DENND4B: variants seen among roughly 807,000 people sequenced by gnomAD.
DENND4B encodes the protein DENN domain containing 4B.
Under a neutral mutation model 161.0 loss-of-function variants are expected in DENND4B, and 67 were observed. The observed-to-expected ratio is 0.42, with a 90% CI of 0.34 to 0.51. DENND4B has a LOEUF of 0.51. Ranked by LOEUF, DENND4B falls within the 20% of genes least tolerant of loss-of-function variation. DENND4B has a pLI of 0.08. For synonymous variants in DENND4B, 753 were observed against 813.8 expected (o/e 0.93, Z 1.27); for missense variants, 1,481 against 1,968.0 (o/e 0.75, Z 4.68).
At position 153,936,753 on chromosome 1, in the gene DENND4B, G is replaced by A; in HGVS notation, c.2233-5C>T. 1 of 1,576,144 alleles carries A rather than the reference G, an allele frequency of 6.3e-7. No individual in the cohort carries two copies. Among genetic ancestry groups the A allele is most frequent in the Non-Finnish European group, 8.6e-7 (1 of 1,157,504 alleles). On this transcript the variant is annotated splice_region_variant and splice_polypyrimidine_tract_variant and intron_variant, in intron 15 of 27. Coordinates refer to ENST00000361217, the MANE Select transcript of DENND4B (RefSeq NM_014856.3). This position sits in a 1 kb window ranked among gnomAD's most constrained non-coding sequence, Gnocchi z 4.1. Reference sequence around the variant, plus strand: ...CCGCTGTGCAACTTTCATCTCCTAGGTAGGACAGGGGACACATCAGGGTGA... The same window carrying A: ...CCGCTGTGCAACTTTCATCTCCTAGATAGGACAGGGGACACATCAGGGTGA...
rs762796744 is a variant in DENND4B at position 153,934,728 on chromosome 1, T to G, written c.2773+32A>C. ...TCCCTGCCTGAGCCCAGCTACTCCA[T>G]CCCCAAGCCTGTCTCACCAGGCCCT... On this transcript the variant is annotated intron_variant, in intron 18 of 27. Transcript: ENST00000361217. This position sits in a 1 kb window ranked among gnomAD's most constrained non-coding sequence, Gnocchi z 5.3. The G allele has an allele frequency of 1.2e-5, 19 of 1,591,730 alleles. No individual in the cohort carries two copies. The African/African-American group carries it at 2.5e-4, about 21-fold the overall frequency.
In DENND4B at chr1:153,934,815, C is replaced by CTGCTGT; in HGVS notation, c.2717_2718insACAGCA (p.Gln909_Gln910dup). ...CTGACACCTGCTCCTGCTGCTGCTG[C>CTGCTGT]TGCTGCTGCTGCTGTTGCTGCTGCT... On this transcript the variant is annotated inframe_insertion, in exon 18 of 28. Coordinates refer to ENST00000361217, the MANE Select transcript of DENND4B (RefSeq NM_014856.3). This position sits in a 1 kb window ranked among gnomAD's most constrained non-coding sequence, Gnocchi z 5.3. 1 of 1,559,390 alleles carries CTGCTGT rather than the reference C, an allele frequency of 6.4e-7. No homozygotes were observed. The highest frequency in any genetic ancestry group is 8.7e-7 in the Non-Finnish European group (1 of 1,143,788).
rs770615615 is a variant in DENND4B, at chr1:153,939,569, CAG to C, written c.1819+18_1819+19del. 2 of 1,583,324 alleles carry C rather than the reference CAG, an allele frequency of 1.3e-6. No homozygotes were observed. Among genetic ancestry groups the C allele is most frequent in the Non-Finnish European group, 8.6e-7 (1 of 1,159,382 alleles). ...CCTCCTCCCATGATACATCTCCAAG[CAG>C]AGACAGGCCCTCTATACCCTGCAGG... is the stretch of plus-strand genomic sequence containing the variant. On this transcript the variant is annotated intron_variant, in intron 12 of 27. Transcript: ENST00000361217.
chr1:153,934,249 A>C lies in DENND4B; in HGVS notation c.2827T>G (p.Trp943Gly). The change falls in exon 19 of 28, where the codon TGG becomes GGG. Residue 943 changes from tryptophan to glycine, a missense_variant. Transcript: ENST00000361217. This position sits in a 1 kb window ranked among gnomAD's most constrained non-coding sequence, Gnocchi z 5.3. ...GGGTCTCTCAGACTTCGCCCAGCCCAAGTAGTCTGGCGCTGAAGAGGGCGA... is the reference window on the plus strand; with the variant it reads ...GGGTCTCTCAGACTTCGCCCAGCCCCAGTAGTCTGGCGCTGAAGAGGGCGA... ...PTRPLQRQTT[W>G]AGRSLRDPAS... The C allele has an allele frequency of 1.9e-6, 3 of 1,599,670 alleles. No homozygotes were observed. Among genetic ancestry groups the C allele is most frequent in the Non-Finnish European group, 2.6e-6 (3 of 1,174,002 alleles).
At chr1:153,943,945 C>T in intron 2 of DENND4B, 113 bp downstream of exon 2, 1 of 1,232,840 alleles carries the variant, frequency 8.1e-7, no homozygotes, top group Non-Finnish European at 1.1e-6. Flanking sequence ...GGCCCCTGGC[C>T]CACCAGGCTC....
chr1:153,938,001 G>T, intron 13 of DENND4B, 138 bp from the exon 14 acceptor site: 2 of 1,249,686 alleles, frequency 1.6e-6, no homozygotes, highest in Non-Finnish European at 2.2e-6. Flanking sequence ...GTCAGGAACG[G>T]GAGGACAGTA....
Position 153,940,297 on chromosome 1 carries a change from G to T in DENND4B, c.1503-41C>A, listed in dbSNP as rs1679593541. On this transcript the variant is annotated intron_variant, in intron 10 of 27. Transcript: ENST00000361217. This position sits in a 1 kb window ranked among gnomAD's most constrained non-coding sequence, Gnocchi z 5.6. ...AAGGGGAAAGAGTGGCGAGGCTCTG[G>T]GATAGGGTGACGGGGTTCCTTGCCA... The T allele has an allele frequency of 6.4e-7, 1 of 1,574,552 alleles. No homozygotes were observed. Among genetic ancestry groups the T allele is most frequent in the East Asian group, 2.2e-5 (1 of 44,522 alleles).
In DENND4B at chr1:153,933,419, C is replaced by T. The variant is rs183845648; in HGVS notation, c.3330+64G>A. ...CAGAGCCCCCTTTTTGAGCATTCTTCCAGTCGTAGCCCCTCCCCAAGCCCA... is the reference window on the plus strand; with the variant it reads ...CAGAGCCCCCTTTTTGAGCATTCTTTCAGTCGTAGCCCCTCCCCAAGCCCA... On this transcript the variant is annotated intron_variant, in intron 20 of 27. Transcript: ENST00000361217. The surrounding 1 kb of genome is among the most constrained non-coding windows in gnomAD (Gnocchi z 5.7). 4.8e-5 allele frequency: 77 copies of T among 1,600,508 alleles called. No individual in the cohort carries two copies. The African/African-American group carries it at 8.4e-4, about 18-fold the overall frequency.
chr1:153,943,876 T>TA (rs1434054354), intron 2 of DENND4B, among the ~76,000 whole-genome samples, 182 bp downstream of exon 2: 2 of 152,112 alleles, frequency 1.3e-5, no homozygotes, highest in African/African-American at 4.8e-5. Flanking sequence ...GGAGCAGCAC[T>TA]AGCACATGAA....
rs766242075 is a variant in DENND4B at position 153,934,846 on chromosome 1, T to C, written c.2687A>G (p.Gln896Arg). 1.9e-6 allele frequency: 3 copies of C among 1,613,496 alleles called. No homozygotes were observed. Among genetic ancestry groups the C allele is most frequent in the Non-Finnish European group, 2.5e-6 (3 of 1,179,796 alleles). Residue 896 changes from glutamine to arginine, a missense_variant, in exon 18 of 28, where the codon CAG becomes CGG. Around this residue, in one of 3 missense-constraint regions of DENND4B, gnomAD observed 339 missense variants for 330.3 expected, o/e 1.03. Transcript: ENST00000361217. This position sits in a 1 kb window ranked among gnomAD's most constrained non-coding sequence, Gnocchi z 5.3. ...CTGCTGCTGTTGCTGCTGCTGCTGC[T>C]GTTGCCGTTCTCTCAAGGGCTGGCG... ...QFRQPLRERQQQQQQQQQQQQ... is the reference protein window; with the variant it reads ...QFRQPLRERQRQQQQQQQQQQ...
At position 153,934,585 on chromosome 1, in the gene DENND4B, G is replaced by A. The variant is rs1444441815; in HGVS notation, c.2773+175C>T. The stretch of plus-strand genomic sequence containing the variant: ...GTCTCCCAAGTAGCTGGGACTACAG[G>A]TGCGCGCCACCACGCCCAGCTAATT... On this transcript the variant is annotated intron_variant, in intron 18 of 27. Transcript: ENST00000361217. This position sits in a 1 kb window ranked among gnomAD's most constrained non-coding sequence, Gnocchi z 5.3. Among the ~76,000 whole-genome samples, 1 of 152,034 alleles carries A rather than the reference G, an allele frequency of 6.6e-6. No individual in the cohort carries two copies. Among genetic ancestry groups the A allele is most frequent in the East Asian group, 1.9e-4 (1 of 5,172 alleles).
At position 153,936,924 on chromosome 1, in the gene DENND4B, C is replaced by T. The variant is rs1285817245; in HGVS notation, c.2233-176G>A. 6.6e-6 allele frequency among the ~76,000 whole-genome samples: 1 copy of T among 152,218 alleles called. No homozygotes were observed. Among genetic ancestry groups the T allele is most frequent in the East Asian group, 1.9e-4 (1 of 5,204 alleles). Reference sequence around the variant, plus strand: ...GCTCAAGCGATTCTCCCACCTCAGTCTCAAGTAGCTGGGACGCACCACCAA... The same window carrying T: ...GCTCAAGCGATTCTCCCACCTCAGTTTCAAGTAGCTGGGACGCACCACCAA... On this transcript the variant is annotated intron_variant, in intron 15 of 27. Transcript: ENST00000361217. The surrounding 1 kb of genome is among the most constrained non-coding windows in gnomAD (Gnocchi z 4.1).
chr1:153,930,380 C>T lies in DENND4B; in HGVS notation c.4408G>A (p.Glu1470Lys). 1 of 1,614,042 alleles carries T rather than the reference C, an allele frequency of 6.2e-7. No homozygotes were observed. Among genetic ancestry groups the T allele is most frequent in the South Asian group, 1.1e-5 (1 of 91,086 alleles). Residue 1470 changes from glutamate (E) to lysine (K), a missense_variant, in exon 28 of 28, where the codon GAG (glutamate) becomes AAG (lysine). Coordinates refer to ENST00000361217, the MANE Select transcript of DENND4B (RefSeq NM_014856.3). The surrounding 1 kb of genome is among the most constrained non-coding windows in gnomAD (Gnocchi z 4.7). ...ATCTGCGCCCGCCGGTGCCTCAGCT[C>T]CTCCTTGCCCATGCTGCTGGCCAGC... is the stretch of plus-strand genomic sequence containing the variant. Reference protein sequence around the residue: ...NKLASSMGKEELRHRRAQMPT... With the variant: ...NKLASSMGKEKLRHRRAQMPT...
At chr1:153,931,117 G>A (rs1678897822) in intron 24 of DENND4B, 53 bp from the exon 25 acceptor site, 4 of 1,448,318 alleles carry the variant, frequency 2.8e-6, no homozygotes, top group African/African-American at 1.4e-5. Flanking sequence ...GGGAGGCAGA[G>A]GACAAGAAAC....
intron 13 of DENND4B, among the ~76,000 whole-genome samples, chr1:153,938,623 A>G (rs1679488616): frequency 6.6e-6 from 1 of 150,888 alleles, no homozygotes; most frequent in African/African-American, 2.4e-5. Flanking sequence ...AATGGCGTGA[A>G]CCCGGGAGGC....
chr1:153,934,188 C>G lies in DENND4B; in HGVS notation c.2888G>C (p.Ser963Thr), dbSNP rs770028692. 3 of 1,605,078 alleles carry G rather than the reference C, an allele frequency of 1.9e-6. No individual in the cohort carries two copies. ...CTGTGCCCCTCGGGCACTGCCCAGG[C>G]TACCACTCTTCACCAGGCGTCCAGG... ...SPPGRLVKSG[S>T]LGSARGAQPT... The change falls in exon 19 of 28, where the codon AGC (serine) becomes ACC (threonine). Residue 963 changes from serine (S) to threonine (T), a missense_variant. Ser to Thr is a moderately conservative substitution (Grantham distance 58). Coordinates refer to ENST00000361217, the MANE Select transcript of DENND4B (RefSeq NM_014856.3). The surrounding 1 kb of genome is among the most constrained non-coding windows in gnomAD (Gnocchi z 5.3).
chr1:153,940,880 T>A lies in DENND4B; in HGVS notation c.1326+24A>T. 6.5e-7 allele frequency: 1 copy of A among 1,544,398 alleles called. No individual in the cohort carries two copies. On this transcript the variant is annotated intron_variant, in intron 9 of 27. Transcript: ENST00000361217. This position sits in a 1 kb window ranked among gnomAD's most constrained non-coding sequence, Gnocchi z 5.6. ...GAAAGAACCATGGTTCTGGGGAAGA[T>A]GGGCCAGGCGGGGCGGCACTCACCG...
At position 153,944,850 on chromosome 1, in the gene DENND4B, C is replaced by T. The variant is rs995576765; in HGVS notation, c.-23-453G>A. Among the ~76,000 whole-genome samples the T allele has an allele frequency of 3.9e-5, 6 of 152,142 alleles. No individual in the cohort carries two copies. The highest frequency in any genetic ancestry group is 7.3e-5 in the Non-Finnish European group (5 of 68,034). ...ACACCATAAGAACCTTGTGATCCTG[C>T]CAATGTTCTTAAAGAGCCCACTCCT... is the stretch of plus-strand genomic sequence containing the variant. On this transcript the variant is annotated intron_variant, in intron 1 of 27. Transcript: ENST00000361217. This position sits in a 1 kb window ranked among gnomAD's most constrained non-coding sequence, Gnocchi z 4.8.
intron 6 of DENND4B, 97 bp downstream of exon 6, chr1:153,941,772 C>CCCGGGGGGGGGG: frequency 6.8e-7 from 1 of 1,464,446 alleles, no homozygotes; most frequent in Non-Finnish European, 9.3e-7. Flanking sequence ...TACCCTGTGC[C>CCCGGGGGGGGGG]CAGCCCTCCC....
Sources: gnomAD v4.1 joint callset for allele counts (sites outside exome capture counted in the v4.1 genomes callset) on GRCh38, gnomAD v4.1.1 for gene constraint, gnomAD v4.1.1 regional missense constraint, Gnocchi (gnomAD v3.1) non-coding constraint, MANE v1.5 for transcripts, NCBI Gene and HGNC (gene_info 2026-07-23, HGNC 2026-07-21) for gene names.